Variants in ATG7 observed in about 807,000 individuals in gnomAD.
ATG7 encodes ubiquitin-like modifier-activating enzyme ATG7.
ATG7 carries 70 observed loss-of-function variants against 82.4 expected under a neutral mutation model. The observed-to-expected ratio is 0.85, with a 90% CI of 0.70 to 1.04. The LOEUF (loss-of-function observed/expected upper bound fraction) is 1.04, where lower values mean the gene tolerates loss of function less well. ATG7 is among the 50% of genes least tolerant of loss of function. The pLI is 0.00. For synonymous variants in ATG7, 287 were observed against 313.0 expected (o/e 0.92, Z 0.88); for missense variants, 792 against 864.3 (o/e 0.92, Z 1.05).
chr3:11,483,829 T>G (rs1016429134), intron 20 of ATG7, among the ~76,000 whole-genome samples: 1 of 152,142 alleles, frequency 6.6e-6, no homozygotes, highest in African/African-American at 2.4e-5. Context: ...TTAAAGAACA[T>G]CTTATTGGCA....
intron 20 of ATG7, among the ~76,000 whole-genome samples, chr3:11,509,635 G>C (rs1176116998): frequency 6.6e-6 from 1 of 151,570 alleles, no homozygotes; most frequent in East Asian, 1.9e-4. Flanking sequence ...GGTGTGGTTG[G>C]TTTTTTTTGG....
chr3:11,349,610 A>G (rs2152793057), intron 14 of ATG7, among the ~76,000 whole-genome samples: 1 of 152,302 alleles, frequency 6.6e-6, no homozygotes, highest in South Asian at 2.1e-4. Flanking sequence ...GTATGAATAA[A>G]TGTTTTGTAA....
At chr3:11,297,567 G>C (rs1488449291) in intron 3 of ATG7, among the ~76,000 whole-genome samples, 1 of 152,166 alleles carries the variant, frequency 6.6e-6, no homozygotes, top group Non-Finnish European at 1.5e-5. Context: ...GTATACGTAT[G>C]CATGATTGCC....
chr3:11,503,436 C>T (rs922622734), intron 20 of ATG7, among the ~76,000 whole-genome samples: 2 of 151,902 alleles, frequency 1.3e-5, no homozygotes, highest in African/African-American at 2.4e-5. Context: ...GTACTACATT[C>T]ATGAAACAAA....
At chr3:11,543,306 T>C (rs1225585749) in intron 20 of ATG7, among the ~76,000 whole-genome samples, 1 of 152,204 alleles carries the variant, frequency 6.6e-6, no homozygotes, top group Non-Finnish European at 1.5e-5. Context: ...ACGTGCTCTC[T>C]GGACTGGCAG....
chr3:11,489,795 G>A (rs1396350882), intron 20 of ATG7, among the ~76,000 whole-genome samples: 1 of 151,764 alleles, frequency 6.6e-6, no homozygotes. Flanking sequence ...TTTTGAGTGA[G>A]TTTCTTAATC....
chr3:11,292,554 C>T (rs955216501), intron 3 of ATG7, among the ~76,000 whole-genome samples: 4 of 151,386 alleles, frequency 2.6e-5, no homozygotes, highest in Admixed American at 2.6e-4. Context: ...GCCACCACAC[C>T]CAGCCTCCTT....
intron 20 of ATG7, among the ~76,000 whole-genome samples, chr3:11,451,772 A>G (rs867692332): frequency 1.4e-5 from 2 of 141,638 alleles, no homozygotes. Flanking sequence ...GTGTATATAT[A>G]TGTTTATAGT....
intron 18 of ATG7, among the ~76,000 whole-genome samples, chr3:11,373,886 G>A (rs1033736563): frequency 2.0e-5 from 3 of 152,196 alleles, no homozygotes; most frequent in Non-Finnish European, 4.4e-5. Flanking sequence ...AGTTTTTCTT[G>A]TGGTTTGTGT....
intron 11 of ATG7, among the ~76,000 whole-genome samples, chr3:11,339,997 G>C (rs1003471226): frequency 6.6e-6 from 1 of 152,166 alleles, no homozygotes; most frequent in African/African-American, 2.4e-5. Context: ...ACACACTTTG[G>C]GAACTGCTAG....
chr3:11,428,894 C>G lies in ATG7; in HGVS notation c.2079+1968C>G, dbSNP rs549140726. On this transcript the variant is annotated intron_variant, in intron 20 of 20. Transcript: ENST00000693202. ...TAGTGGGTAGGTTTCTAGATTTAAC[C>G]TGGTTTATCTTACATTTTAGTTGGT... 5.3e-5 allele frequency among the ~76,000 whole-genome samples: 8 copies of G among 152,298 alleles called. No homozygotes were observed. The South Asian group carries it at 6.2e-4, about 12-fold the overall frequency.
chr3:11,416,393 G>A lies in ATG7; in HGVS notation c.1957-10411G>A, dbSNP rs116401093. ...TGATTCAATTTATTTTATAGAAATA[G>A]GCCTGTTTAGAATTTCCATTTTTTT... is the stretch of plus-strand genomic sequence containing the variant. On this transcript the variant is annotated intron_variant, in intron 19 of 20. Coordinates refer to ENST00000693202, the MANE Select transcript of ATG7 (RefSeq NM_001349232.2). Among the ~76,000 whole-genome samples the A allele has an allele frequency of 1.7e-3, 260 of 152,216 alleles. 1 individual carries two copies. Among genetic ancestry groups the A allele is most frequent in the African/African-American group, 5.7e-3 (236 of 41,546 alleles).
At chr3:11,558,756 C>G (rs763815966), downstream of ATG7, 3 of 1,614,154 alleles carry the variant, frequency 1.9e-6, no homozygotes, top group East Asian at 6.7e-5. Flanking sequence ...GGTGCCGGCT[C>G]GGGCTCCTTG....
chr3:11,417,234 T>G (rs569342500), intron 19 of ATG7, among the ~76,000 whole-genome samples: 3 of 152,340 alleles, frequency 2.0e-5, no homozygotes, highest in Admixed American at 1.3e-4. Flanking sequence ...TTTTTAACCT[T>G]CTGTCTGCTG....
At chr3:11,419,113 G>A (rs761572311) in intron 19 of ATG7, among the ~76,000 whole-genome samples, 4 of 152,134 alleles carry the variant, frequency 2.6e-5, no homozygotes, top group African/African-American at 4.8e-5. Context: ...ATACATGCAC[G>A]TGTATTTTTT....
intron 20 of ATG7, among the ~76,000 whole-genome samples, chr3:11,535,188 C>T (rs2092767059): frequency 6.6e-6 from 1 of 152,254 alleles, no homozygotes; most frequent in Non-Finnish European, 1.5e-5. Flanking sequence ...CCATGCCCTG[C>T]TGAGCCTTAG....
chr3:11,522,275 A>C (rs922762249), intron 20 of ATG7, among the ~76,000 whole-genome samples: 1 of 152,198 alleles, frequency 6.6e-6, no homozygotes, highest in African/African-American at 2.4e-5. Context: ...AGAGGCTGGC[A>C]GATCATGTTG....
At chr3:11,400,745 T>C (rs1290924044) in intron 19 of ATG7, among the ~76,000 whole-genome samples, 5 of 152,130 alleles carry the variant, frequency 3.3e-5, no homozygotes, top group African/African-American at 7.2e-5. Flanking sequence ...TATAACCTTC[T>C]TGATGGAACT....
intron 9 of ATG7, among the ~76,000 whole-genome samples, chr3:11,323,641 G>T (rs1017340174): frequency 1.3e-5 from 2 of 152,238 alleles, no homozygotes; most frequent in Non-Finnish European, 2.9e-5. Flanking sequence ...AAGATTGAAT[G>T]TTTGGGAAAT....
Sources: gnomAD v4.1 joint callset for allele counts (sites outside exome capture counted in the v4.1 genomes callset) on GRCh38, gnomAD v4.1.1 for gene constraint, MANE v1.5 for transcripts, NCBI Gene and HGNC (gene_info 2026-07-23, HGNC 2026-07-21) for gene names.